Variants in DLG1 observed in about 807,000 individuals in gnomAD.
DLG1 encodes discs large MAGUK scaffold protein 1.
DLG1 carries 42 observed loss-of-function variants against 123.4 expected under a neutral mutation model. The observed-to-expected ratio is 0.34, with a 90% confidence interval of 0.27 to 0.44. DLG1 has a LOEUF of 0.44. Ranked by LOEUF, DLG1 falls within the 20% of genes least tolerant of loss-of-function variation. DLG1 has a pLI of 1.00. For synonymous variants in DLG1, 317 were observed against 356.2 expected, an observed-to-expected ratio of 0.89 and a Z score of 1.24; for missense variants, 942 against 1,082.6, an observed-to-expected ratio of 0.87 and a Z score of 1.82.
At position 197,065,749 on chromosome 3, in the gene DLG1, A is replaced by C. The variant is rs1239607317; in HGVS notation, c.2159T>G (p.Leu720Trp). 1 of 1,612,658 alleles carries C rather than the reference A, an allele frequency of 6.2e-7. No individual in the cohort carries two copies. Among genetic ancestry groups the C allele is most frequent in the Non-Finnish European group, 8.5e-7 (1 of 1,179,236 alleles). The part of the protein sequence containing the change: ...GPMKDRINDD[L>W]ISEFPDKFGS... ...AAATTTGTCAGGAAATTCTGAGATC[A>C]AGTCATCATTTATCCTGTCTTTCAT... Residue 720 changes from leucine to tryptophan, a missense_variant, in exon 21 of 25, where the codon TTG becomes TGG. Leu to Trp is a moderately conservative substitution (Grantham distance 61). Coordinates refer to ENST00000667157, the MANE Select transcript of DLG1 (RefSeq NM_001366207.1).
chr3:197,050,137 T>G (rs1578109588), intron 24 of DLG1, among the ~76,000 whole-genome samples: 1 of 151,530 alleles, frequency 6.6e-6, no homozygotes, highest in East Asian at 1.9e-4. Context: ...GGAGGCCGAG[T>G]CGGGTGGATC....
chr3:197,130,183 G>A (rs542504220), intron 11 of DLG1, among the ~76,000 whole-genome samples: 2 of 152,040 alleles, frequency 1.3e-5, no homozygotes, highest in South Asian at 2.1e-4. Flanking sequence ...TAGAATGAAC[G>A]GCTTGTTCAA....
intron 3 of DLG1, among the ~76,000 whole-genome samples, chr3:197,294,818 C>A (rs193243278): frequency 6.8e-4 from 103 of 152,286 alleles, no homozygotes; most frequent in Non-Finnish European, 1.3e-3. Flanking sequence ...AATGTAGATT[C>A]TGTTATTTCA....
rs755469316 is a variant in DLG1, at chr3:197,065,361, T to C, written c.2288A>G (p.Gln763Arg). 1 of 1,613,522 alleles carries C rather than the reference T, an allele frequency of 6.2e-7. No homozygotes were observed. Among genetic ancestry groups the C allele is most frequent in the East Asian group, 2.2e-5 (1 of 44,798 alleles). ...GCCAGCTTCAATGAATTTATGTTCC[T>C]GGATATCTTTTTCCATCTGCTCTCT... ...TSREQMEKDI[Q>R]EHKFIEAGQY... The change falls in exon 22 of 25, where the codon CAG (glutamine) becomes CGG (arginine). Residue 763 changes from glutamine to arginine, a missense_variant. By Grantham distance (43) the Gln-to-Arg change is conservative (BLOSUM62 1). Transcript: ENST00000667157.
chr3:197,221,302 G>A (rs1736875118), intron 4 of DLG1, among the ~76,000 whole-genome samples: 1 of 152,174 alleles, frequency 6.6e-6, no homozygotes, highest in South Asian at 2.1e-4. Flanking sequence ...TGGATCACCT[G>A]AGGTCAGGAG....
chr3:197,200,465 G>A (rs1426597682), intron 4 of DLG1, among the ~76,000 whole-genome samples: 3 of 152,132 alleles, frequency 2.0e-5, no homozygotes, highest in African/African-American at 7.2e-5. Context: ...GGATTAACAT[G>A]TGTTGAGGAA....
chr3:197,083,466 G>A (rs1291515364), intron 16 of DLG1, among the ~76,000 whole-genome samples: 1 of 152,146 alleles, frequency 6.6e-6, no homozygotes, highest in African/African-American at 2.4e-5. Context: ...TGATTTGGAT[G>A]AAGCAGATCT....
chr3:197,089,782 T>C (rs777105701), intron 15 of DLG1, among the ~76,000 whole-genome samples: 21 of 152,306 alleles, frequency 1.4e-4, no homozygotes, highest in Middle Eastern at 6.8e-3. Context: ...TTCGATATAT[T>C]TGTATATATA....
chr3:197,291,863 A>C (rs1287871080), intron 3 of DLG1, among the ~76,000 whole-genome samples: 1 of 152,250 alleles, frequency 6.6e-6, no homozygotes, highest in East Asian at 1.9e-4. Flanking sequence ...GCACATAGAA[A>C]GTGCTCAATA....
intron 11 of DLG1, 70 bp downstream of exon 11, chr3:197,130,457 A>C: frequency 7.9e-7 from 1 of 1,271,002 alleles, no homozygotes; most frequent in Non-Finnish European, 1.1e-6. Context: ...TATACTGAGA[A>C]CATTTCACTA....
chr3:197,131,842 C>T (rs1442772520), intron 10 of DLG1, among the ~76,000 whole-genome samples: 3 of 151,956 alleles, frequency 2.0e-5, no homozygotes, highest in Non-Finnish European at 4.4e-5. Flanking sequence ...ATCCGCCCGC[C>T]TCGGCCTCCC....
rs774682995 is a variant in DLG1 at position 197,194,495 on chromosome 3, G to A, written c.413C>T (p.Ser138Leu). The part of the protein sequence containing the change: ...EVIGPELVHV[S>L]EKNLSEIENV... ...CTCAATCTCTGATAAGTTCTTCTCT[G>A]AGACATGAACCAATTCTGGACCTAT... Residue 138 changes from serine (S) to leucine (L), a missense_variant, in exon 5 of 25, where the codon TCA (serine) becomes TTA (leucine). Transcript: ENST00000667157. 2 of 1,606,620 alleles carry A rather than the reference G, an allele frequency of 1.2e-6. No homozygotes were observed. Among genetic ancestry groups the A allele is most frequent in the East Asian group, 4.5e-5 (2 of 44,522 alleles).
chr3:197,163,316 C>T (rs1304302258), intron 5 of DLG1, among the ~76,000 whole-genome samples: 4 of 152,092 alleles, frequency 2.6e-5, no homozygotes, highest in African/African-American at 9.7e-5. Context: ...AAAAACCAAC[C>T]ATAGAATCAG....
At chr3:197,161,826 A>G (rs1307097215) in intron 5 of DLG1, 2 of 797,226 alleles carry the variant, frequency 2.5e-6, no homozygotes, top group African/African-American at 3.7e-5. Context: ...AAGATAAATT[A>G]TAGTTTTCAG....
intron 22 of DLG1, among the ~76,000 whole-genome samples, chr3:197,062,996 T>C (rs903033820): frequency 6.6e-6 from 1 of 152,084 alleles, no homozygotes. Flanking sequence ...AACCCTAGAA[T>C]ATATATTAGT....
At chr3:197,096,991 C>T (rs188978051) in intron 14 of DLG1, among the ~76,000 whole-genome samples, 116 of 152,180 alleles carry the variant, frequency 7.6e-4, no homozygotes, top group South Asian at 4.6e-3. Flanking sequence ...AGCTCTAGAA[C>T]TCTCTATTTT....
chr3:197,147,635 C>T (rs1208047953), intron 6 of DLG1, among the ~76,000 whole-genome samples: 1 of 151,994 alleles, frequency 6.6e-6, no homozygotes, highest in African/African-American at 2.4e-5. Flanking sequence ...GATGCAAAGG[C>T]ATGAGAATGA....
At chr3:197,268,354 G>A (rs1004129742) in intron 4 of DLG1, among the ~76,000 whole-genome samples, 9 of 152,030 alleles carry the variant, frequency 5.9e-5, no homozygotes, top group African/African-American at 2.2e-4. Flanking sequence ...GTAAAGTTTT[G>A]CTGAGTTTTC....
At chr3:197,140,434 TCCTTTCAGAGGCATTA>T (rs1417605742) in intron 7 of DLG1, among the ~76,000 whole-genome samples, 170 bp from the exon 8 acceptor site, 2 of 152,210 alleles carry the variant, frequency 1.3e-5, no homozygotes, top group Non-Finnish European at 2.9e-5. Flanking sequence ...TGGAGGAAAG[TCCTTTCAGAGGCATTA>T]CTGCTGAACA....
Sources: gnomAD v4.1 joint callset for allele counts (sites outside exome capture counted in the v4.1 genomes callset) on GRCh38, gnomAD v4.1.1 for gene constraint, MANE v1.5 for transcripts, NCBI Gene and HGNC (gene_info 2026-07-23, HGNC 2026-07-21) for gene names.